The following STK32A variants were observed in gnomAD, a reference collection of about 807,000 sequenced individuals.
STK32A encodes serine/threonine-protein kinase 32A.
In STK32A, 41 loss-of-function variants were observed where a neutral mutation model predicts 53.2. The ratio of observed to expected loss-of-function variants is 0.77; its 90% CI spans 0.60 to 1.00. The LOEUF is 1.00. Ranked by LOEUF, STK32A falls within the 50% of genes least tolerant of loss-of-function variation. STK32A has a pLI of 0.00. For missense variants in STK32A, 458 were observed against 485.8 expected (o/e 0.94, Z 0.54); for synonymous variants, 166 against 162.8 (o/e 1.02, Z -0.15).
chr5:147,259,659 G>T (rs1330694534), intron 2 of STK32A, among the ~76,000 whole-genome samples: 1 of 151,978 alleles, frequency 6.6e-6, no homozygotes, highest in Non-Finnish European at 1.5e-5. Context: ...TAAGGAATAG[G>T]GTACACTGTT....
At chr5:147,356,141 T>C (rs950095631) in intron 7 of STK32A, among the ~76,000 whole-genome samples, 6 of 152,090 alleles carry the variant, frequency 3.9e-5, no homozygotes, top group Non-Finnish European at 1.5e-5. Context: ...GAGAAAGTGA[T>C]GTGTTCATAA....
At position 147,242,045 on chromosome 5, in the gene STK32A, T is replaced by C. The variant is rs1753601782; in HGVS notation, c.52+2359T>C. 5.9e-5 allele frequency among the ~76,000 whole-genome samples: 9 copies of C among 152,188 alleles called. 1 individual carries two copies. The South Asian group carries it at 1.9e-3, about 31-fold the overall frequency. On this transcript the variant is annotated intron_variant, in intron 2 of 12. Transcript: ENST00000397936. ...TGGGAAATAAGATACCCCTTTTTAG[T>C]TACTTTAAAGGACTCTAGAAAAACT...
At chr5:147,372,457 TC>T (rs1293818730) in intron 9 of STK32A, among the ~76,000 whole-genome samples, 2 of 151,900 alleles carry the variant, frequency 1.3e-5, no homozygotes, top group Non-Finnish European at 2.9e-5. Flanking sequence ...GGATCATTTT[TC>T]ATAAGCAAAT....
chr5:147,280,615 C>G (rs1003412287), intron 4 of STK32A, among the ~76,000 whole-genome samples: 1 of 151,466 alleles, frequency 6.6e-6, no homozygotes, highest in Non-Finnish European at 1.5e-5. Flanking sequence ...CCCCCATTCC[C>G]CACAGCAGCA....
At chr5:147,365,080 C>A (rs1414225038) in intron 8 of STK32A, among the ~76,000 whole-genome samples, 1 of 152,076 alleles carries the variant, frequency 6.6e-6, no homozygotes, top group Non-Finnish European at 1.5e-5. Flanking sequence ...TGTCAATAGC[C>A]CTCTTCTTTG....
intron 2 of STK32A, among the ~76,000 whole-genome samples, chr5:147,271,297 C>A (rs1015376480): frequency 6.6e-6 from 1 of 152,118 alleles, no homozygotes; most frequent in Non-Finnish European, 1.5e-5. Context: ...CCAGTCAATA[C>A]CCTTGTGATT....
intron 8 of STK32A, among the ~76,000 whole-genome samples, chr5:147,366,272 C>T (rs1026593753): frequency 6.6e-6 from 1 of 152,128 alleles, no homozygotes; most frequent in African/African-American, 2.4e-5. Context: ...TGTTCCTTCG[C>T]CTATAAAGAG....
chr5:147,269,418 G>T (rs1465980261), intron 2 of STK32A, among the ~76,000 whole-genome samples: 1 of 152,134 alleles, frequency 6.6e-6, no homozygotes, highest in Admixed American at 6.5e-5. Flanking sequence ...ACTGCACCTA[G>T]GACTTTCAGC....
chr5:147,261,125 G>T (rs969310233), intron 2 of STK32A, among the ~76,000 whole-genome samples: 19 of 152,144 alleles, frequency 1.2e-4, no homozygotes, highest in African/African-American at 4.3e-4. Context: ...AGGGGACGGG[G>T]TGCACCTCCT....
At chr5:147,335,393 T>A (rs1755068278) in intron 5 of STK32A, among the ~76,000 whole-genome samples, 1 of 152,154 alleles carries the variant, frequency 6.6e-6, no homozygotes, top group Non-Finnish European at 1.5e-5. Flanking sequence ...TTGGAGGGTA[T>A]CTTGATTCAA....
intron 11 of STK32A, chr5:147,375,479 C>T (rs780751940): frequency 2.9e-5 from 9 of 306,672 alleles, no homozygotes; most frequent in Non-Finnish European, 5.3e-5. Flanking sequence ...GTTCTCAATT[C>T]AAAATTTACA....
chr5:147,339,244 G>A (rs1165591652), intron 5 of STK32A, among the ~76,000 whole-genome samples: 1 of 152,204 alleles, frequency 6.6e-6, no homozygotes, highest in Non-Finnish European at 1.5e-5. Context: ...CCAACATACA[G>A]TTCAGACCAT....
intron 1 of STK32A, among the ~76,000 whole-genome samples, chr5:147,235,403 C>T (rs1267651276): frequency 6.6e-6 from 1 of 152,224 alleles, no homozygotes; most frequent in Non-Finnish European, 1.5e-5. Flanking sequence ...CATGTGCAGA[C>T]CCAGACAGAC....
In STK32A at chr5:147,360,762, C is replaced by A. The variant is rs191777743; in HGVS notation, c.563-755C>A. Reference sequence around the variant, plus strand: ...GGTGAGCATGCAGAAGCATTCCCTGCCTTTGCTTTGTGCTTCATTCTCCCT... The same window carrying A: ...GGTGAGCATGCAGAAGCATTCCCTGACTTTGCTTTGTGCTTCATTCTCCCT... On this transcript the variant is annotated intron_variant, in intron 7 of 12. Transcript: ENST00000397936. Among the ~76,000 whole-genome samples, 6 of 152,302 alleles carry A rather than the reference C, an allele frequency of 3.9e-5. No homozygotes were observed. In the East Asian group the frequency reaches 9.7e-4, roughly 25 times the overall value.
In STK32A at chr5:147,372,446, G is replaced by A. The variant is rs151014740; in HGVS notation, c.778-723G>A. On this transcript the variant is annotated intron_variant, in intron 9 of 12. Transcript: ENST00000397936. ...CAGTAATGTCAAAGACATAGAATGG[G>A]GGATCATTTTTCATAAGCAAATTCT... 1.1e-3 allele frequency among the ~76,000 whole-genome samples: 173 copies of A among 151,902 alleles called. 3 individuals are homozygous for A. The Middle Eastern group carries it at 0.017, about 15-fold the overall frequency.
At chr5:147,317,319 CTT>C (rs1491439246) in intron 4 of STK32A, among the ~76,000 whole-genome samples, 5 of 80,700 alleles carry the variant, frequency 6.2e-5, no homozygotes, top group Admixed American at 2.8e-4. Flanking sequence ...TTTTCTTTTT[CTT>C]TCTTTTTTTT....
intron 2 of STK32A, among the ~76,000 whole-genome samples, chr5:147,268,124 G>A (rs1754886065): frequency 9.8e-6 from 1 of 102,442 alleles, no homozygotes; most frequent in Non-Finnish European, 2.0e-5. Flanking sequence ...ATCACGTCAG[G>A]ACCATTTATG....
intron 2 of STK32A, among the ~76,000 whole-genome samples, chr5:147,268,380 G>A (rs1163088281): frequency 6.6e-6 from 1 of 152,020 alleles, no homozygotes. Context: ...GGCTTTTCCT[G>A]CTACTTTCTC....
At chr5:147,273,986 T>C (rs989377541) in intron 2 of STK32A, among the ~76,000 whole-genome samples, 14 of 152,166 alleles carry the variant, frequency 9.2e-5, no homozygotes, top group Admixed American at 9.2e-4. Flanking sequence ...CTCATACATA[T>C]AGAATGTCTG....
Sources: gnomAD v4.1 joint callset for allele counts (sites outside exome capture counted in the v4.1 genomes callset) on GRCh38, gnomAD v4.1.1 for gene constraint, MANE v1.5 for transcripts, NCBI Gene and HGNC (gene_info 2026-07-23, HGNC 2026-07-21) for gene names.